Variants in SLC2A5 observed in about 807,000 individuals in gnomAD.
SLC2A5 encodes solute carrier family 2, facilitated glucose transporter member 5.
SLC2A5 carries 56 observed loss-of-function variants against 50.3 expected under a neutral mutation model. The observed-to-expected ratio is 1.11, with a 90% CI of 0.90 to 1.39. The LOEUF is 1.39. Ranked by LOEUF, SLC2A5 falls within the 40% of genes most tolerant of loss-of-function variation. SLC2A5 has a pLI of 0.00. For synonymous variants in SLC2A5, 269 were observed against 281.9 expected, an observed-to-expected ratio of 0.95 and a Z score of 0.46; for missense variants, 566 against 650.1, an observed-to-expected ratio of 0.87 and a Z score of 1.41.
At chr1:9,082,770 C>T in intron 2 of SLC2A5, 1 of 427,704 alleles carries the variant, frequency 2.3e-6, no homozygotes, top group South Asian at 1.8e-5. Flanking sequence ...GCAGCCCAAC[C>T]CTGACCTAAA....
chr1:9,068,960 A>G (rs1642154417), intron 1 of SLC2A5, among the ~76,000 whole-genome samples: 2 of 152,238 alleles, frequency 1.3e-5, no homozygotes, highest in Non-Finnish European at 2.9e-5. Flanking sequence ...AACTGCAATT[A>G]CGTTGCAGGA....
At chr1:9,069,911 C>T (rs980665909), upstream of SLC2A5, 3 of 190,560 alleles carry the variant, frequency 1.6e-5, no homozygotes, top group Admixed American at 1.8e-4. Context: ...TGTCCTCCAC[C>T]CTACATGACA....
intron 2 of SLC2A5, among the ~76,000 whole-genome samples, chr1:9,076,256 G>A (rs1002095026): frequency 2.6e-5 from 4 of 152,000 alleles, no homozygotes; most frequent in South Asian, 2.1e-4. Flanking sequence ...GCACCTGGCC[G>A]GATTTTCAAT....
chr1:9,052,023 C>G (rs1641590595), intron 3 of SLC2A5, among the ~76,000 whole-genome samples: 1 of 152,184 alleles, frequency 6.6e-6, no homozygotes, highest in Non-Finnish European at 1.5e-5. Flanking sequence ...CGGTGGCTCA[C>G]GCCTGTAATC....
intron 3 of SLC2A5, among the ~76,000 whole-genome samples, chr1:9,053,590 T>C (rs1641681409): frequency 7.7e-6 from 1 of 129,716 alleles, no homozygotes; most frequent in Non-Finnish European, 1.6e-5. Flanking sequence ...ATTTTTTAAA[T>C]AGGCAGGGCA....
intron 7 of SLC2A5, 68 bp from the exon 8 acceptor site, chr1:9,039,730 G>T: frequency 1.4e-6 from 2 of 1,418,064 alleles, no homozygotes; most frequent in South Asian, 1.5e-5. Context: ...ACCCACGCCC[G>T]GCGCCCCAGG....
chr1:9,092,222 A>T (rs1438825999), upstream of SLC2A5, among the ~76,000 whole-genome samples: 1 of 152,160 alleles, frequency 6.6e-6, no homozygotes, highest in African/African-American at 2.4e-5. Context: ...ATTTCCCCTC[A>T]TACAACATAT....
chr1:9,057,362 T>G, intron 3 of SLC2A5, 86 bp downstream of exon 3: 1 of 806,762 alleles, frequency 1.2e-6, no homozygotes, highest in Non-Finnish European at 1.9e-6. Flanking sequence ...CTTAGTCTCA[T>G]GGTAAGGATT....
At chr1:9,070,072 GTTTTTTTTT>G (rs56828280), upstream of SLC2A5, among the ~76,000 whole-genome samples, 44 of 62,514 alleles carry the variant, frequency 7.0e-4, no homozygotes, top group East Asian at 0.012. Flanking sequence ...CTCATTTTCT[GTTTTTTTTT>G]TTTTTTTTTT....
upstream of SLC2A5, among the ~76,000 whole-genome samples, chr1:9,072,837 C>T (rs1304190302): frequency 6.6e-6 from 1 of 151,150 alleles, no homozygotes; most frequent in African/African-American, 2.4e-5. Context: ...TGGTGTGCGC[C>T]TGTAATTCCA....
intron 4 of SLC2A5, among the ~76,000 whole-genome samples, chr1:9,046,083 C>A (rs1208286311): frequency 3.9e-5 from 6 of 152,228 alleles, no homozygotes; most frequent in African/African-American, 1.4e-4. Context: ...CCAAATTATC[C>A]ATTTGTCCCT....
chr1:9,067,606 T>G (rs1457987805), intron 1 of SLC2A5, among the ~76,000 whole-genome samples: 1 of 152,190 alleles, frequency 6.6e-6, no homozygotes, highest in Non-Finnish European at 1.5e-5. Flanking sequence ...ACACTTGATT[T>G]GTCTAACACT....
intron 1 of SLC2A5, among the ~76,000 whole-genome samples, chr1:9,059,291 C>T (rs900771375): frequency 2.6e-5 from 4 of 151,560 alleles, no homozygotes; most frequent in Non-Finnish European, 5.9e-5. Flanking sequence ...TACAGGCACC[C>T]GCCACCACGC....
intron 2 of SLC2A5, among the ~76,000 whole-genome samples, chr1:9,075,941 G>A (rs1483810558): frequency 1.3e-5 from 2 of 151,052 alleles, no homozygotes; most frequent in Non-Finnish European, 2.9e-5. Flanking sequence ...GATTACAGGC[G>A]TGAGCCACCG....
intron 2 of SLC2A5, among the ~76,000 whole-genome samples, chr1:9,078,050 T>C (rs910507028): frequency 1.3e-5 from 2 of 152,210 alleles, no homozygotes; most frequent in African/African-American, 4.8e-5. Flanking sequence ...GGGAGGATTA[T>C]CCACTAGTTT....
At chr1:9,041,651 C>T (rs1239842290) in intron 5 of SLC2A5, 134 bp downstream of exon 5, 3 of 1,538,408 alleles carry the variant, frequency 2.0e-6, no homozygotes, top group Non-Finnish European at 2.6e-6. Flanking sequence ...ATGGGCCCCC[C>T]AAGGACATCC....
chr1:9,038,320 T>G, intron 10 of SLC2A5, 111 bp downstream of exon 10: 2 of 818,050 alleles, frequency 2.4e-6, no homozygotes, highest in Admixed American at 4.1e-5. Flanking sequence ...GGGGAAGAGA[T>G]GCCATTTCCA....
chr1:9,090,351 T>A (rs1642450113), upstream of SLC2A5, among the ~76,000 whole-genome samples: 1 of 152,208 alleles, frequency 6.6e-6, no homozygotes, highest in Non-Finnish European at 1.5e-5. Context: ...CAAATTTCAC[T>A]GAAGAATCCT....
At chr1:9,042,574 A>C (rs1641331397) in intron 4 of SLC2A5, among the ~76,000 whole-genome samples, 2 of 36,600 alleles carry the variant, frequency 5.5e-5, no homozygotes, top group Non-Finnish European at 9.1e-5. Context: ...GTGTGTGTAC[A>C]TATATATATA....
Sources: gnomAD v4.1 joint callset for allele counts (sites outside exome capture counted in the v4.1 genomes callset) on GRCh38, gnomAD v4.1.1 for gene constraint, MANE v1.5 for transcripts, NCBI Gene and HGNC (gene_info 2026-07-23, HGNC 2026-07-21) for gene names.